The following METTL24 variants were observed in gnomAD, a reference collection of about 807,000 sequenced individuals.
METTL24 encodes the protein methyltransferase like 24.
METTL24 carries 29 observed loss-of-function variants against 32.7 expected under a neutral mutation model. The observed-to-expected ratio is 0.89, with a 90% CI of 0.66 to 1.21. The LOEUF (loss-of-function observed/expected upper bound fraction) is 1.21, where lower values mean the gene tolerates loss of function less well. METTL24 is among the 50% of genes most tolerant of loss of function. METTL24 has a pLI of 0.00. For synonymous variants in METTL24, 163 were observed against 179.5 expected (o/e 0.91, Z 0.73); for missense variants, 439 against 468.1 (o/e 0.94, Z 0.57).
At chr6:110,288,796 G>A (rs1771269732) in intron 4 of METTL24, among the ~76,000 whole-genome samples, 1 of 152,162 alleles carries the variant, frequency 6.6e-6, no homozygotes. Context: ...GTGGTGCTGG[G>A]TGTGCATCTC....
chr6:110,300,422 C>CT (rs56017770), intron 3 of METTL24, among the ~76,000 whole-genome samples: 27,361 of 133,202 alleles, frequency 0.21, 4,844 homozygotes, highest in African/African-American at 0.47. Flanking sequence ...CCGAGACATG[C>CT]TTTTTTTTTT....
intron 1 of METTL24, among the ~76,000 whole-genome samples, chr6:110,329,927 A>G (rs1772084617): frequency 6.6e-6 from 1 of 152,256 alleles, no homozygotes; most frequent in Admixed American, 6.5e-5. Context: ...TCTGAAAAGT[A>G]AACAGTAGCA....
chr6:110,329,625 C>T (rs1205531710), intron 1 of METTL24, among the ~76,000 whole-genome samples: 1 of 152,086 alleles, frequency 6.6e-6, no homozygotes, highest in African/African-American at 2.4e-5. Context: ...TCAGTGTGTG[C>T]CCAGCGCTTC....
At chr6:110,323,377 T>C (rs1161633101) in intron 1 of METTL24, among the ~76,000 whole-genome samples, 1 of 152,178 alleles carries the variant, frequency 6.6e-6, no homozygotes, top group Admixed American at 6.5e-5. Context: ...CCACGGCCCT[T>C]GGCTGCTGGG....
intron 3 of METTL24, among the ~76,000 whole-genome samples, chr6:110,311,529 A>G (rs1356517520): frequency 1.5e-5 from 2 of 130,210 alleles, no homozygotes; most frequent in Admixed American, 9.3e-5. Context: ...GCTGGAGTGC[A>G]GTGGCACAAT....
At chr6:110,286,795 C>T (rs1482433030) in intron 4 of METTL24, among the ~76,000 whole-genome samples, 1 of 152,278 alleles carries the variant, frequency 6.6e-6, no homozygotes, top group African/African-American at 2.4e-5. Context: ...TCCGAGTGGG[C>T]ACAATCAGCT....
At chr6:110,322,021 T>C (rs1009226694) in intron 2 of METTL24, among the ~76,000 whole-genome samples, 1 of 152,178 alleles carries the variant, frequency 6.6e-6, no homozygotes, top group Non-Finnish European at 1.5e-5. Context: ...TGCTAGCACC[T>C]CTCAGTTCAG....
At chr6:110,277,256 G>A (rs1204996465) in intron 4 of METTL24, among the ~76,000 whole-genome samples, 1 of 152,176 alleles carries the variant, frequency 6.6e-6, no homozygotes, top group Non-Finnish European at 1.5e-5. Flanking sequence ...TTCCAGGGCA[G>A]CCTTTCCTCT....
At chr6:110,251,513 G>A (rs934816714) in intron 4 of METTL24, among the ~76,000 whole-genome samples, 2 of 152,168 alleles carry the variant, frequency 1.3e-5, no homozygotes, top group East Asian at 1.9e-4. Flanking sequence ...GTAAGTCTTA[G>A]TTAGATATTG....
intron 1 of METTL24, among the ~76,000 whole-genome samples, chr6:110,323,073 A>T (rs1480423150): frequency 6.6e-6 from 1 of 152,202 alleles, no homozygotes; most frequent in Non-Finnish European, 1.5e-5. Context: ...GGCCGGAGAC[A>T]GCACAACTCC....
At chr6:110,291,012 TG>T (rs753936952) in intron 4 of METTL24, among the ~76,000 whole-genome samples, 22 of 152,320 alleles carry the variant, frequency 1.4e-4, no homozygotes, top group East Asian at 9.6e-4. Flanking sequence ...TCTTGTTTGG[TG>T]GGGTGCCAGT....
chr6:110,253,081 C>T (rs750880337), intron 4 of METTL24, among the ~76,000 whole-genome samples: 1 of 152,212 alleles, frequency 6.6e-6, no homozygotes, highest in Non-Finnish European at 1.5e-5. Context: ...AAGGGTGATG[C>T]AGCTTCTACT....
At chr6:110,352,440 G>A (rs1772624012) in intron 1 of METTL24, among the ~76,000 whole-genome samples, 1 of 151,992 alleles carries the variant, frequency 6.6e-6, no homozygotes, top group African/African-American at 2.4e-5. Context: ...AAAATTCGTG[G>A]GCCAAATTTA....
chr6:110,347,399 T>G (rs1772498688), intron 1 of METTL24, among the ~76,000 whole-genome samples: 1 of 152,230 alleles, frequency 6.6e-6, no homozygotes, highest in African/African-American at 2.4e-5. Context: ...TACCCCACTC[T>G]TAAATTATAA....
chr6:110,317,782 C>T (rs914189448), intron 2 of METTL24, among the ~76,000 whole-genome samples: 65 of 152,108 alleles, frequency 4.3e-4, no homozygotes, highest in African/African-American at 1.5e-3. Flanking sequence ...TCTCAACATA[C>T]GGTCCGCCTA....
rs377458498 is a variant in METTL24, at chr6:110,315,401, G to A, written c.498C>T (p.Asp166=). 149 of 1,614,138 alleles carry A rather than the reference G, an allele frequency of 9.2e-5. No individual in the cohort carries two copies. The highest frequency in any genetic ancestry group is 4.3e-4 in the African/African-American group (32 of 75,042). The part of the protein sequence containing the change: ...PTHKPWSVCL[D]DRFNLAHQIR... ...TTTGATGAGCTAAATTGAACCTGTCGTCAAGACACACTGACCAGGGCTTGT... is the reference window on the plus strand; with the variant it reads ...TTTGATGAGCTAAATTGAACCTGTCATCAAGACACACTGACCAGGGCTTGT... The change falls in exon 3 of 5, where the codon GAC becomes GAT. Residue 166 remains aspartate (D), a synonymous_variant. Transcript: ENST00000338882.
chr6:110,246,163 A>C lies in METTL24; in HGVS notation c.884T>G (p.Phe295Cys), dbSNP rs763390595. Residue 295 changes from phenylalanine (F) to cysteine (C), a missense_variant, in exon 5 of 5, where the codon TTT becomes TGT. By Grantham distance (205) the Phe-to-Cys change is radical. Coordinates refer to ENST00000338882, the MANE Select transcript of METTL24 (RefSeq NM_001123364.3). ...CCCAGGCCAGTGGAGATGGATCTCA[A>C]AGATGAGCTGTCCAATCTGCTCAAG... is the stretch of plus-strand genomic sequence containing the variant. ...DVLEQIGQLI[F>C]EIHLHWPGFE... 1 of 1,614,172 alleles carries C rather than the reference A, an allele frequency of 6.2e-7. No individual in the cohort carries two copies. The highest frequency in any genetic ancestry group is 1.7e-5 in the Admixed American group (1 of 60,020).
rs185778703 is a variant in METTL24, at chr6:110,322,774, C to T, written c.417G>A (p.Gln139=). Residue 139 remains glutamine, a splice_region_variant and synonymous_variant, in exon 2 of 5, where the codon CAG becomes CAA. Coordinates refer to ENST00000338882, the MANE Select transcript of METTL24 (RefSeq NM_001123364.3). ...WRFLRYISTT[Q]IACNHMNTDS... is the part of the protein sequence containing the mutation. ...AACTTCTTTGAGCCTGAAACACAACCTGGGTGGTGCTGATATATCTCAGGA... is the reference window on the plus strand; with the variant it reads ...AACTTCTTTGAGCCTGAAACACAACTTGGGTGGTGCTGATATATCTCAGGA... 1.7e-4 allele frequency: 270 copies of T among 1,611,288 alleles called. 5 individuals carry two copies. In the East Asian group the frequency reaches 2.7e-3, roughly 16 times the overall value.
At chr6:110,345,098 T>C (rs1019812160) in intron 1 of METTL24, among the ~76,000 whole-genome samples, 4 of 152,014 alleles carry the variant, frequency 2.6e-5, no homozygotes, top group Non-Finnish European at 4.4e-5. Flanking sequence ...AACAGCCCCA[T>C]TAAAAAGTGG....
Sources: gnomAD v4.1 joint callset for allele counts (sites outside exome capture counted in the v4.1 genomes callset) on GRCh38, gnomAD v4.1.1 for gene constraint, MANE v1.5 for transcripts, NCBI Gene and HGNC (gene_info 2026-07-23, HGNC 2026-07-21) for gene names.